RTN1: variants seen among roughly 807,000 people sequenced by gnomAD.
RTN1 encodes reticulon 1.
In RTN1, 25 loss-of-function variants were observed where a neutral mutation model predicts 65.5. The ratio of observed to expected loss-of-function variants is 0.38; its 90% CI spans 0.28 to 0.53. The LOEUF (loss-of-function observed/expected upper bound fraction) is 0.53, where lower values mean the gene tolerates loss of function less well. RTN1 is among the 20% of genes least tolerant of loss of function. RTN1 has a pLI of 0.79. For missense variants in RTN1, 983 were observed against 1,025.4 expected (o/e 0.96, Z 0.57); for synonymous variants, 471 against 447.6 (o/e 1.05, Z -0.66).
At chr14:59,840,069 C>T (rs942629079) in intron 1 of RTN1, among the ~76,000 whole-genome samples, 1 of 152,048 alleles carries the variant, frequency 6.6e-6, no homozygotes, top group Non-Finnish European at 1.5e-5. Context: ...TTTCAGAGCC[C>T]ATCATATGCT....
At chr14:59,742,175 T>C (rs1452674109) in intron 2 of RTN1, among the ~76,000 whole-genome samples, 1 of 152,192 alleles carries the variant, frequency 6.6e-6, no homozygotes, top group Admixed American at 6.5e-5. Flanking sequence ...GAAATAGCAA[T>C]GGTAGTTTTC....
chr14:59,669,444 G>A lies in RTN1; in HGVS notation c.1765+57475C>T, dbSNP rs375218496. ...CACAGGGCAGGGAACATCATACACC[G>A]GGGCCTGTCAGGGGGATGGGGGCCT... On this transcript the variant is annotated intron_variant, in intron 3 of 8. Transcript: ENST00000267484. Among the ~76,000 whole-genome samples the A allele has an allele frequency of 3.5e-5, 5 of 142,332 alleles. No individual in the cohort carries two copies. In the East Asian group the frequency reaches 5.8e-4, roughly 17 times the overall value. 93.4% of individuals were successfully genotyped at this position (142,332 alleles called of 152,430 possible). A position where few individuals can be genotyped will look rare whatever the true frequency, so the allele number is the denominator to read the frequency against.
chr14:59,861,837 C>T (rs949434537), intron 1 of RTN1, among the ~76,000 whole-genome samples: 3 of 152,144 alleles, frequency 2.0e-5, no homozygotes, highest in Admixed American at 6.5e-5. Flanking sequence ...CTTTAACTAT[C>T]TCTCAAATGG....
intron 1 of RTN1, among the ~76,000 whole-genome samples, chr14:59,756,390 T>A (rs1192648545): frequency 6.6e-6 from 1 of 152,148 alleles, no homozygotes. Context: ...GAAGAATAGG[T>A]TTAGTGATAT....
chr14:59,758,474 A>G (rs765215787), intron 1 of RTN1, among the ~76,000 whole-genome samples: 3 of 152,120 alleles, frequency 2.0e-5, no homozygotes, highest in Non-Finnish European at 2.9e-5. Flanking sequence ...CAAACATACC[A>G]TAAGATTTTC....
At chr14:59,857,884 A>C (rs548797210) in intron 1 of RTN1, among the ~76,000 whole-genome samples, 1 of 152,314 alleles carries the variant, frequency 6.6e-6, no homozygotes, top group African/African-American at 2.4e-5. Context: ...AAGCTATGAA[A>C]CTAGGCTCAT....
rs1211373263 is a variant in RTN1, at chr14:59,621,229, C to G, written c.1766-13737G>C. On this transcript the variant is annotated intron_variant, in intron 3 of 8. Transcript: ENST00000267484. ...ACCCTGTTACTGGAATTAATTACCC[C>G]CAGTGGTCTTCTGGTATAACAAAAT... is the stretch of plus-strand genomic sequence containing the variant. 2.6e-5 allele frequency among the ~76,000 whole-genome samples: 4 copies of G among 152,146 alleles called. No homozygotes were observed. In the East Asian group the frequency reaches 7.7e-4, roughly 29 times the overall value.
intron 3 of RTN1, among the ~76,000 whole-genome samples, chr14:59,705,973 G>A (rs1566691987): frequency 6.6e-6 from 1 of 152,154 alleles, no homozygotes; most frequent in Admixed American, 6.5e-5. Context: ...GGCACAGAAA[G>A]CGGCTCTCTC....
chr14:59,773,233 C>G (rs868342746), intron 1 of RTN1, among the ~76,000 whole-genome samples: 7 of 151,948 alleles, frequency 4.6e-5, no homozygotes, highest in Admixed American at 2.6e-4. Context: ...GCTATTTGAA[C>G]TCATTAGTTA....
At chr14:59,612,667 C>T (rs1325687115) in intron 3 of RTN1, among the ~76,000 whole-genome samples, 1 of 152,202 alleles carries the variant, frequency 6.6e-6, no homozygotes, top group Non-Finnish European at 1.5e-5. Context: ...ACAAACTTTG[C>T]TACAGGTCCC....
At chr14:59,740,731 AG>A (rs927130602) in intron 2 of RTN1, among the ~76,000 whole-genome samples, 45 of 152,334 alleles carry the variant, frequency 3.0e-4, no homozygotes, top group African/African-American at 1.0e-3. Context: ...TATGTTCTTA[AG>A]GGAAACTAAA....
At chr14:59,797,160 T>C (rs1207354407) in intron 1 of RTN1, among the ~76,000 whole-genome samples, 1 of 152,172 alleles carries the variant, frequency 6.6e-6, no homozygotes, top group Non-Finnish European at 1.5e-5. Flanking sequence ...TATGAAGCAG[T>C]TTGAGCTTCT....
At chr14:59,734,441 A>C (rs1884964418) in intron 2 of RTN1, among the ~76,000 whole-genome samples, 1 of 152,176 alleles carries the variant, frequency 6.6e-6, no homozygotes, top group Non-Finnish European at 1.5e-5. Flanking sequence ...ATTTTACTGA[A>C]CTAAAGGAGC....
intron 3 of RTN1, among the ~76,000 whole-genome samples, chr14:59,619,081 T>C (rs1566662922): frequency 1.3e-5 from 2 of 152,196 alleles, no homozygotes; most frequent in Non-Finnish European, 2.9e-5. Flanking sequence ...TATGTGAGTG[T>C]GGCGGACAAT....
Position 59,825,043 on chromosome 14 carries a change from A to C in RTN1, c.241+45347T>G, listed in dbSNP as rs922389009. On this transcript the variant is annotated intron_variant, in intron 1 of 8. Transcript: ENST00000267484. This position sits in a 1 kb window ranked among gnomAD's most constrained non-coding sequence, Gnocchi z 4.2. Reference sequence around the variant, plus strand: ...GGTAAAAACTTTCAGTTACAAGATAAATAAGTTCTGGAAATCTAATGTAAA... The same window carrying C: ...GGTAAAAACTTTCAGTTACAAGATACATAAGTTCTGGAAATCTAATGTAAA... 1.3e-5 allele frequency among the ~76,000 whole-genome samples: 2 copies of C among 152,196 alleles called. No individual in the cohort carries two copies. Among genetic ancestry groups the C allele is most frequent in the Non-Finnish European group, 2.9e-5 (2 of 68,034 alleles).
intron 3 of RTN1, 134 bp downstream of exon 3, chr14:59,726,784 CT>C (rs954429273): frequency 1.6e-5 from 12 of 772,644 alleles, no homozygotes; most frequent in African/African-American, 8.8e-5. Flanking sequence ...CCCATCCCCC[CT>C]GGAACCGTTC....
At chr14:59,771,293 G>A (rs951282265) in intron 1 of RTN1, among the ~76,000 whole-genome samples, 10 of 152,182 alleles carry the variant, frequency 6.6e-5, no homozygotes, top group African/African-American at 2.4e-4. Context: ...CTCAACAGGG[G>A]TCATCAGCTG....
chr14:59,738,593 C>T (rs1425574558), intron 2 of RTN1, among the ~76,000 whole-genome samples: 3 of 152,184 alleles, frequency 2.0e-5, no homozygotes, highest in African/African-American at 7.2e-5. Flanking sequence ...AACAGTGTGG[C>T]AATTCCTCAA....
At chr14:59,772,350 T>C (rs1425194953) in intron 1 of RTN1, among the ~76,000 whole-genome samples, 2 of 152,150 alleles carry the variant, frequency 1.3e-5, no homozygotes, top group Non-Finnish European at 2.9e-5. Flanking sequence ...TTACAAATGT[T>C]CTAATTATAT....
Sources: gnomAD v4.1 joint callset for allele counts (sites outside exome capture counted in the v4.1 genomes callset) on GRCh38, gnomAD v4.1.1 for gene constraint, Gnocchi (gnomAD v3.1) non-coding constraint, MANE v1.5 for transcripts, NCBI Gene and HGNC (gene_info 2026-07-23, HGNC 2026-07-21) for gene names.